Variants in CDC42BPA observed in about 807,000 individuals in gnomAD.
CDC42BPA encodes serine/threonine-protein kinase MRCK alpha.
Under a neutral mutation model 223.5 loss-of-function variants are expected in CDC42BPA, and 80 were observed. The ratio of observed to expected loss-of-function variants is 0.36; its 90% confidence interval spans 0.30 to 0.43. The LOEUF (loss-of-function observed/expected upper bound fraction) is 0.43, where lower values mean the gene tolerates loss of function less well. CDC42BPA is among the 20% of genes least tolerant of loss of function. The probability of loss-of-function intolerance (pLI) is 1.00; values close to 1 mark genes in which losing one functional copy is unlikely to be tolerated. For missense variants in CDC42BPA, 1,743 were observed against 2,099.9 expected, an observed-to-expected ratio of 0.83 and a Z score of 3.32; for synonymous variants, 694 against 718.6, an observed-to-expected ratio of 0.97 and a Z score of 0.55.
chr1:227,175,532 C>T (rs915259367), intron 5 of CDC42BPA, among the ~76,000 whole-genome samples: 2 of 152,198 alleles, frequency 1.3e-5, no homozygotes, highest in Admixed American at 1.3e-4. Flanking sequence ...ATTACATGTA[C>T]TGTTCATATT....
intron 12 of CDC42BPA, among the ~76,000 whole-genome samples, chr1:227,117,157 A>G (rs1687893236): frequency 6.6e-6 from 1 of 152,116 alleles, no homozygotes; most frequent in Non-Finnish European, 1.5e-5. Flanking sequence ...CACAGAAGGG[A>G]GCCATGTAGT....
At chr1:227,129,694 A>AAAAAAAAAAC (rs1656621798) in intron 10 of CDC42BPA, among the ~76,000 whole-genome samples, 1 of 88,338 alleles carries the variant, frequency 1.1e-5, no homozygotes, top group African/African-American at 4.8e-5. Context: ...AAAAAAAAAA[A>AAAAAAAAAAC]TCCACTGCAT....
At chr1:227,175,949 G>A (rs1666885463) in intron 5 of CDC42BPA, among the ~76,000 whole-genome samples, 1 of 152,150 alleles carries the variant, frequency 6.6e-6, no homozygotes, top group Admixed American at 6.5e-5. Flanking sequence ...AGAGCTGTAT[G>A]TATGGTGTAC....
At chr1:227,088,630 T>G (rs1682445715) in intron 16 of CDC42BPA, among the ~76,000 whole-genome samples, 1 of 152,228 alleles carries the variant, frequency 6.6e-6, no homozygotes, top group Admixed American at 6.5e-5. Context: ...TTTCTTACTG[T>G]AAACAATTAA....
At chr1:227,273,954 G>A (rs543760384) in intron 1 of CDC42BPA, among the ~76,000 whole-genome samples, 11 of 131,430 alleles carry the variant, frequency 8.4e-5, no homozygotes, top group African/African-American at 3.1e-4. Context: ...GGTGGGGGGA[G>A]GTGTTTCCTG....
At chr1:227,200,430 TA>T (rs1472043982) in intron 3 of CDC42BPA, among the ~76,000 whole-genome samples, 65 of 93,786 alleles carry the variant, frequency 6.9e-4, no homozygotes, top group African/African-American at 2.5e-3. Context: ...GACCTTGCCT[TA>T]AAAAACAAAC....
At chr1:227,264,435 C>T (rs1162056063) in intron 1 of CDC42BPA, among the ~76,000 whole-genome samples, 4 of 151,218 alleles carry the variant, frequency 2.6e-5, no homozygotes, top group Non-Finnish European at 4.4e-5. Flanking sequence ...TCAGATTTGT[C>T]ATTCCCCAAC....
At chr1:227,251,144 T>C (rs566272310) in intron 2 of CDC42BPA, among the ~76,000 whole-genome samples, 1 of 151,764 alleles carries the variant, frequency 6.6e-6, no homozygotes, top group Non-Finnish European at 1.5e-5. Flanking sequence ...GCAGAGAAAA[T>C]ACAAATATGT....
chr1:227,035,669 ACACT>A (rs1408660189), intron 24 of CDC42BPA, 62 bp from the exon 25 acceptor site: 98 of 1,220,184 alleles, frequency 8.0e-5, no homozygotes, highest in Non-Finnish European at 6.9e-6. Context: ...AAAATTCGTA[ACACT>A]CACTGCATAC....
At chr1:227,196,971 TAAAGAA>T (rs1670865685) in intron 4 of CDC42BPA, among the ~76,000 whole-genome samples, 1 of 152,096 alleles carries the variant, frequency 6.6e-6, no homozygotes, top group Admixed American at 6.5e-5. Context: ...GAGCTTTTCT[TAAAGAA>T]AAAAAGATCT....
chr1:227,167,620 A>T (rs1025617841), intron 5 of CDC42BPA, among the ~76,000 whole-genome samples: 1 of 151,860 alleles, frequency 6.6e-6, no homozygotes, highest in Non-Finnish European at 1.5e-5. Flanking sequence ...TTGTACCTCA[A>T]TGATCTTTTC....
intron 16 of CDC42BPA, among the ~76,000 whole-genome samples, chr1:227,087,247 A>G (rs1682153624): frequency 6.6e-6 from 1 of 152,168 alleles, no homozygotes; most frequent in African/African-American, 2.4e-5. Context: ...GTATGAGGTA[A>G]GGATCCAAGT....
rs1460873400 is a variant in CDC42BPA at position 227,317,147 on chromosome 1, C to A, written c.36G>T (p.Gln12His). The A allele has an allele frequency of 1.2e-6, 2 of 1,613,264 alleles. No individual in the cohort carries two copies. Among genetic ancestry groups the A allele is most frequent in the Non-Finnish European group, 1.7e-6 (2 of 1,179,860 alleles). ...TCTGAGCGGGCCCGTCCAAAATAAA[C>A]TGCTCCAACTGCCTCAAACGCACTT... is the stretch of plus-strand genomic sequence containing the variant. ...SGEVRLRQLE[Q>H]FILDGPAQTN... Residue 12 changes from glutamine to histidine, a missense_variant, in exon 1 of 37, where the codon CAG becomes CAT. Gln to His is a conservative substitution (Grantham distance 24). This residue lies in a region of CDC42BPA where 321 missense variants were observed against 488.7 expected (regional missense o/e 0.66). Transcript: ENST00000366766.
intron 2 of CDC42BPA, among the ~76,000 whole-genome samples, chr1:227,253,376 A>G (rs1295712208): frequency 1.3e-5 from 2 of 152,216 alleles, no homozygotes; most frequent in East Asian, 3.8e-4. Context: ...TGGGCAGATC[A>G]CTTGAGGTCA....
At chr1:227,288,412 A>G (rs1010152813) in intron 1 of CDC42BPA, among the ~76,000 whole-genome samples, 1 of 152,112 alleles carries the variant, frequency 6.6e-6, no homozygotes, top group East Asian at 1.9e-4. Flanking sequence ...AATTAAAATG[A>G]TATCGGCCAG....
At chr1:227,122,312 T>A (rs778596277) in intron 11 of CDC42BPA, among the ~76,000 whole-genome samples, 17 of 152,208 alleles carry the variant, frequency 1.1e-4, no homozygotes, top group Middle Eastern at 3.2e-3. Context: ...ACTTCTGAAG[T>A]GTTCTTCTCT....
chr1:227,207,451 G>A (rs1672984800), intron 3 of CDC42BPA, among the ~76,000 whole-genome samples: 1 of 146,314 alleles, frequency 6.8e-6, no homozygotes, highest in Admixed American at 6.9e-5. Context: ...TGCCATGCTG[G>A]TGCGCTGCAC....
chr1:227,119,187 G>A (rs1448119956), intron 12 of CDC42BPA, among the ~76,000 whole-genome samples: 1 of 152,076 alleles, frequency 6.6e-6, no homozygotes, highest in East Asian at 1.9e-4. Context: ...GAAAGTCACG[G>A]TGCTTAGCAG....
intron 1 of CDC42BPA, among the ~76,000 whole-genome samples, chr1:227,286,292 T>C (rs1038644299): frequency 1.3e-5 from 2 of 152,224 alleles, no homozygotes; most frequent in African/African-American, 4.8e-5. Context: ...CATTCTCGAA[T>C]GCTTTGGTGC....
Sources: allele counts gnomAD v4.1 joint callset (sites outside exome capture counted in the v4.1 genomes callset), GRCh38; gene constraint gnomAD v4.1.1; regional missense constraint gnomAD v4.1.1; transcripts MANE v1.5; gene names NCBI Gene and HGNC (gene_info 2026-07-23, HGNC 2026-07-21).